Variants in RICTOR observed in about 807,000 individuals in gnomAD.
RICTOR encodes rapamycin-insensitive companion of mTOR.
Under a neutral mutation model 214.9 loss-of-function variants are expected in RICTOR, and 49 were observed. That is an observed-to-expected ratio of 0.23 (90% CI 0.18 to 0.29). The LOEUF (loss-of-function observed/expected upper bound fraction) is 0.29. Among genes scored for constraint, RICTOR ranks in the 10% least tolerant of loss-of-function variants. RICTOR has a pLI of 1.00. For synonymous variants in RICTOR, 717 were observed against 711.3 expected (o/e 1.01, Z -0.13); for missense variants, 1,625 against 2,047.0 (o/e 0.79, Z 3.98).
intron 2 of RICTOR, among the ~76,000 whole-genome samples, chr5:39,028,175 CTT>C (rs70982535): frequency 0.03 from 2,376 of 78,064 alleles, 7 homozygotes; most frequent in South Asian, 0.07. Flanking sequence ...AACTGGAATT[CTT>C]TTTTTTTTTT....
chr5:38,958,614 A>C, intron 23 of RICTOR, 53 bp downstream of exon 23: 1 of 1,516,830 alleles, frequency 6.6e-7, no homozygotes, highest in South Asian at 1.2e-5. Flanking sequence ...ATAATTGTCA[A>C]ATGAGTATTT....
chr5:38,968,040 CA>C lies in RICTOR; in HGVS notation c.973-11del. 2 of 1,403,288 alleles carry C rather than the reference CA, an allele frequency of 1.4e-6. No homozygotes were observed. The highest frequency in any genetic ancestry group is 1.0e-6 in the Non-Finnish European group (1 of 989,516). The allele number at this position is 1,403,288 out of a possible 1,614,324, so 86.9% of individuals were successfully genotyped here. On this transcript the variant is annotated splice_polypyrimidine_tract_variant and intron_variant, in intron 11 of 37. Coordinates refer to ENST00000357387, the MANE Select transcript of RICTOR (RefSeq NM_152756.5). ...CTTCAAGTAGACCTCGCTAAATTAG[CA>C]AACAAATACACCTCATTTATTTTTA...
intron 3 of RICTOR, among the ~76,000 whole-genome samples, chr5:39,015,433 C>T (rs1368592389): frequency 6.6e-6 from 1 of 151,992 alleles, no homozygotes; most frequent in Non-Finnish European, 1.5e-5. Flanking sequence ...AATCTACACA[C>T]ACATTTATTT....
In RICTOR at chr5:39,025,914, C is replaced by G. The variant is rs74840907; in HGVS notation, c.98-4778G>C. ...ACTTGGCTCTCGAGCTGCAGTCTGT[C>G]AACCCTTAGAGTGTCACCACTTAAA... is the stretch of plus-strand genomic sequence containing the variant. On this transcript the variant is annotated intron_variant, in intron 2 of 37. Coordinates refer to ENST00000357387, the MANE Select transcript of RICTOR (RefSeq NM_152756.5). Among the ~76,000 whole-genome samples, 860 of 152,282 alleles carry G rather than the reference C, an allele frequency of 5.6e-3. 8 individuals carry two copies. The highest frequency in any genetic ancestry group is 0.02 in the African/African-American group (823 of 41,532).
At chr5:38,995,180 A>G (rs781269394) in intron 6 of RICTOR, among the ~76,000 whole-genome samples, 1 of 152,180 alleles carries the variant, frequency 6.6e-6, no homozygotes, top group Non-Finnish European at 1.5e-5. Flanking sequence ...CCATCAACCA[A>G]TGAGTGGATA....
Position 38,991,016 on chromosome 5 carries a change from A to G in RICTOR, c.516T>C (p.Val172=). Residue 172 remains valine, a synonymous_variant, in exon 7 of 38, where the codon GTT becomes GTC. Transcript: ENST00000357387. ...CTCTTTCTTGAAGTCCATCATTTCC[A>G]ACTGCAATTAATGAGTTGGTCACAG... ...PSSVTNSLIA[V]GNDGLQERDR... 1.9e-6 allele frequency: 3 copies of G among 1,604,376 alleles called. No individual in the cohort carries two copies. The highest frequency in any genetic ancestry group is 2.6e-6 in the Non-Finnish European group (3 of 1,173,598).
intron 2 of RICTOR, among the ~76,000 whole-genome samples, chr5:39,040,030 C>A (rs1443698009): frequency 6.6e-6 from 1 of 152,050 alleles, no homozygotes; most frequent in African/African-American, 2.4e-5. Context: ...ATGTTTACTG[C>A]AGCACTATTC....
intron 7 of RICTOR, among the ~76,000 whole-genome samples, chr5:38,990,639 C>CAGATATATGATATATATCAGAT (rs1490795665): frequency 3.6e-5 from 3 of 82,318 alleles, no homozygotes; most frequent in African/African-American, 9.2e-5. Flanking sequence ...ATATATCTGA[C>CAGATATATGATATATATCAGAT]ATATATCAGA....
At chr5:39,054,335 G>GGCAGTTAGTGCT (rs1480447373) in intron 2 of RICTOR, among the ~76,000 whole-genome samples, 1 of 152,100 alleles carries the variant, frequency 6.6e-6, no homozygotes, top group Non-Finnish European at 1.5e-5. Context: ...CTGGATAGGT[G>GGCAGTTAGTGCT]GGACGACAGT....
At chr5:38,989,258 G>A (rs904731789) in intron 7 of RICTOR, among the ~76,000 whole-genome samples, 10 of 152,064 alleles carry the variant, frequency 6.6e-5, no homozygotes, top group African/African-American at 2.4e-4. Flanking sequence ...AATAAGCAAC[G>A]GGGAAAGGAT....
At chr5:39,027,572 G>A (rs933527536) in intron 2 of RICTOR, among the ~76,000 whole-genome samples, 3 of 151,998 alleles carry the variant, frequency 2.0e-5, no homozygotes, top group Admixed American at 6.6e-5. Flanking sequence ...ATTCACCAGA[G>A]TATTATATAT....
chr5:38,982,063 T>C, intron 7 of RICTOR, 27 bp from the exon 8 acceptor site: 4 of 1,526,866 alleles, frequency 2.6e-6, no homozygotes, highest in Non-Finnish European at 3.6e-6. Flanking sequence ...TAACATATTA[T>C]ATTTGGGGTA....
intron 2 of RICTOR, among the ~76,000 whole-genome samples, chr5:39,047,322 G>A (rs1002698478): frequency 3.9e-5 from 6 of 152,088 alleles, no homozygotes; most frequent in African/African-American, 1.4e-4. Context: ...AGGAGGGCAC[G>A]ACCTAGATCC....
At chr5:38,968,962 G>C (rs1195935068) in intron 11 of RICTOR, among the ~76,000 whole-genome samples, 1 of 115,920 alleles carries the variant, frequency 8.6e-6, no homozygotes, top group Non-Finnish European at 1.7e-5. Flanking sequence ...TGGCGGGGGA[G>C]GAGTTTTTTT....
chr5:38,949,441 G>T, intron 31 of RICTOR: 1 of 1,576,042 alleles, frequency 6.3e-7, no homozygotes. Context: ...GCAGAAGCGA[G>T]AAATAAATAA....
intron 3 of RICTOR, among the ~76,000 whole-genome samples, chr5:39,008,197 T>C (rs970816152): frequency 6.6e-6 from 1 of 152,046 alleles, no homozygotes; most frequent in African/African-American, 2.4e-5. Context: ...AAAAAAAGGA[T>C]ATACATCAAA....
In RICTOR at chr5:38,940,401, G is replaced by A. The variant is rs921554219; in HGVS notation, c.*1903C>T. The A allele has an allele frequency of 4.7e-5, 11 of 232,216 alleles. No individual in the cohort carries two copies. The highest frequency in any genetic ancestry group is 9.4e-5 in the Non-Finnish European group (11 of 117,326). The allele number at this position is 232,216 out of a possible 1,614,324, so 14.4% of individuals were successfully genotyped here. On this transcript the variant is annotated 3_prime_UTR_variant, in exon 38 of 38. Transcript: ENST00000357387. ...ATAAGATTACATTACTTCCTTTGGA[G>A]GTTTTAACCACTATTTGGTCTAGTA...
rs370461335 is a variant in RICTOR, at chr5:38,981,972, G to A, written c.648C>T (p.Ile216=). 6.2e-6 allele frequency: 10 copies of A among 1,612,586 alleles called. No homozygotes were observed. The highest frequency in any genetic ancestry group is 2.7e-5 in the African/African-American group (2 of 74,830). The change falls in exon 8 of 38, where the codon ATC becomes ATT. Residue 216 remains isoleucine (I), a synonymous_variant. Transcript: ENST00000357387. ...CATTTATTCGACTTAATTGGCAATC[G>A]ATCACATTTTTCAAGATGGTGTTTA... ...GGLNTILKNV[I]DCQLSRINEA... is the part of the protein sequence containing the mutation.
At position 39,003,637 on chromosome 5, in the gene RICTOR, A is replaced by G. The variant is rs1315928531; in HGVS notation, c.196-15T>C. 2 of 1,571,390 alleles carry G rather than the reference A, an allele frequency of 1.3e-6. No homozygotes were observed. The highest frequency in any genetic ancestry group is 1.7e-6 in the Non-Finnish European group (2 of 1,144,294). Reference sequence around the variant, plus strand: ...TCACAAAGAAGCTGTCAGAAAAACAAAATAAGTGTGCATTTATGTGTTGTA... The same window carrying G: ...TCACAAAGAAGCTGTCAGAAAAACAGAATAAGTGTGCATTTATGTGTTGTA... On this transcript the variant is annotated splice_polypyrimidine_tract_variant and intron_variant, in intron 3 of 37. Coordinates refer to ENST00000357387, the MANE Select transcript of RICTOR (RefSeq NM_152756.5).
Sources: allele counts gnomAD v4.1 joint callset (sites outside exome capture counted in the v4.1 genomes callset), GRCh38; gene constraint gnomAD v4.1.1; transcripts MANE v1.5; gene names NCBI Gene and HGNC (gene_info 2026-07-23, HGNC 2026-07-21).